Variants in SLF1 observed in about 807,000 individuals in gnomAD.
The protein encoded by SLF1 is SMC5-SMC6 complex localization factor protein 1.
In SLF1, 105 loss-of-function variants were observed where a neutral mutation model predicts 123.0. The ratio of observed to expected loss-of-function variants is 0.85; its 90% CI spans 0.73 to 1.00. SLF1 has a LOEUF of 1.00. Ranked by LOEUF, SLF1 falls within the 50% of genes least tolerant of loss-of-function variation. SLF1 has a pLI of 0.00. For synonymous variants in SLF1, 434 were observed against 406.6 expected (o/e 1.07, Z -0.81); for missense variants, 1,239 against 1,223.0 (o/e 1.01, Z -0.20).
intron 11 of SLF1, 67 bp downstream of exon 11, chr5:94,663,975 C>T: frequency 1.5e-6 from 2 of 1,368,480 alleles, no homozygotes; most frequent in Non-Finnish European, 1.9e-6. Context: ...CATTTTCTCA[C>T]TTTTTGTATG....
chr5:94,662,407 G>A (rs1462133249), intron 10 of SLF1, 56 bp downstream of exon 10: 3 of 1,393,462 alleles, frequency 2.2e-6, no homozygotes, highest in African/African-American at 1.5e-5. Flanking sequence ...TTTGTGTTTT[G>A]TTATTAGTTA....
chr5:94,664,097 T>C (rs553610363), intron 11 of SLF1, among the ~76,000 whole-genome samples, 189 bp downstream of exon 11: 15 of 152,338 alleles, frequency 9.8e-5, no homozygotes, highest in Admixed American at 9.8e-4. Flanking sequence ...CTACTCTTAG[T>C]GCTTTAGCTA....
chr5:94,673,239 G>A (rs1405662470), intron 14 of SLF1, among the ~76,000 whole-genome samples: 2 of 152,020 alleles, frequency 1.3e-5, no homozygotes, highest in African/African-American at 2.4e-5. Context: ...AGTCCTCAGG[G>A]CGAAGTCAGG....
chr5:94,658,795 C>T (rs1748729424), intron 9 of SLF1, among the ~76,000 whole-genome samples: 2 of 149,326 alleles, frequency 1.3e-5, no homozygotes, highest in African/African-American at 2.5e-5. Flanking sequence ...TTATGCCTTC[C>T]CATATGTCAT....
rs761407897 is a variant in SLF1, at chr5:94,651,698, G to A, written c.739-4G>A. The A allele has an allele frequency of 1.4e-4, 215 of 1,513,540 alleles. No homozygotes were observed. The highest frequency in any genetic ancestry group is 1.1e-4 in the Admixed American group (5 of 44,080). 93.8% of individuals were successfully genotyped at this position (1,513,540 alleles called of 1,614,324 possible). On this transcript the variant is annotated splice_polypyrimidine_tract_variant and splice_region_variant and intron_variant, in intron 6 of 20. Transcript: ENST00000265140. ...TTAACTAAATTATGTTTACAAACAC[G>A]CAGAAAGAAATGCAAAATCATGAAG...
At chr5:94,685,305 T>C (rs1752286065) in intron 15 of SLF1, among the ~76,000 whole-genome samples, 1 of 152,258 alleles carries the variant, frequency 6.6e-6, no homozygotes. Flanking sequence ...CTTATAATTT[T>C]AATTCTTCTC....
At position 94,691,648 on chromosome 5, in the gene SLF1, A is replaced by G. The variant is rs768010022; in HGVS notation, c.2504A>G (p.Asn835Ser). 12 of 1,606,444 alleles carry G rather than the reference A, an allele frequency of 7.5e-6. No individual in the cohort carries two copies. Among genetic ancestry groups the G allele is most frequent in the Admixed American group, 5.1e-5 (3 of 58,372 alleles). The change falls in exon 19 of 21, where the codon AAT becomes AGT. Residue 835 changes from asparagine (N) to serine (S), a missense_variant. By Grantham distance (46) the Asn-to-Ser change is conservative. Transcript: ENST00000265140. ...CTCTCTTTGCCAGGAATAGACATCA[A>G]TGTTAAAGGTAAGTTTTAAATCTTT... The part of the protein sequence containing the change: ...LLLSLPGIDI[N>S]VKDNAGWTPL...
intron 12 of SLF1, among the ~76,000 whole-genome samples, chr5:94,669,180 T>G (rs1458185050): frequency 6.6e-6 from 1 of 152,206 alleles, no homozygotes; most frequent in Non-Finnish European, 1.5e-5. Context: ...TTTGAAATAT[T>G]CCATAATGCA....
intron 1 of SLF1, among the ~76,000 whole-genome samples, chr5:94,620,930 T>C (rs191244938): frequency 1.4e-4 from 21 of 152,284 alleles, no homozygotes; most frequent in African/African-American, 4.1e-4. Context: ...TATGAATCAC[T>C]CTAATGATTG....
chr5:94,656,331 A>G (rs1045815001), intron 9 of SLF1, among the ~76,000 whole-genome samples: 9 of 151,820 alleles, frequency 5.9e-5, no homozygotes, highest in Admixed American at 2.0e-4. Flanking sequence ...ACAATACACT[A>G]TGATCAATAC....
intron 5 of SLF1, among the ~76,000 whole-genome samples, chr5:94,648,139 TC>T (rs1293148035): frequency 6.6e-6 from 1 of 152,124 alleles, no homozygotes; most frequent in Non-Finnish European, 1.5e-5. Context: ...GGTACTCATT[TC>T]CCCCCACCTG....
chr5:94,666,058 C>T, intron 12 of SLF1, 34 bp downstream of exon 12: 1 of 1,500,014 alleles, frequency 6.7e-7, no homozygotes, highest in South Asian at 1.3e-5. Flanking sequence ...TGCTACATTT[C>T]ATTGAGTAGT....
At chr5:94,674,001 T>G (rs895705633) in intron 14 of SLF1, among the ~76,000 whole-genome samples, 9 of 152,188 alleles carry the variant, frequency 5.9e-5, no homozygotes, top group African/African-American at 2.2e-4. Flanking sequence ...TTACAGAAAT[T>G]GAAAATACTT....
intron 9 of SLF1, among the ~76,000 whole-genome samples, chr5:94,658,275 C>G (rs1748668731): frequency 6.6e-6 from 1 of 150,962 alleles, no homozygotes. Context: ...CATCCGTTTG[C>G]TTCCAATTGT....
intron 9 of SLF1, among the ~76,000 whole-genome samples, chr5:94,655,997 T>C (rs1038407926): frequency 6.6e-6 from 1 of 152,072 alleles, no homozygotes; most frequent in Admixed American, 6.6e-5. Flanking sequence ...TGAATAAAAG[T>C]TGTAAAAGTA....
intron 1 of SLF1, among the ~76,000 whole-genome samples, chr5:94,627,956 A>C (rs1245077837): frequency 6.6e-6 from 1 of 151,390 alleles, no homozygotes; most frequent in Non-Finnish European, 1.5e-5. Context: ...CAGCCTCCCG[A>C]GTAGCTGGGA....
intron 4 of SLF1, among the ~76,000 whole-genome samples, chr5:94,641,571 G>A (rs962494640): frequency 1.3e-5 from 2 of 152,118 alleles, no homozygotes; most frequent in South Asian, 4.1e-4. Flanking sequence ...TGCTTATTAT[G>A]GGGACTGGAC....
At chr5:94,653,164 T>C (rs967915996) in intron 7 of SLF1, 108 bp from the exon 8 acceptor site, 22 of 1,159,612 alleles carry the variant, frequency 1.9e-5, no homozygotes, top group Non-Finnish European at 2.5e-5. Flanking sequence ...GCCGTACTTC[T>C]TTATTTTTTA....
chr5:94,663,640 G>A (rs940436151), intron 10 of SLF1, 110 bp from the exon 11 acceptor site: 20 of 1,011,226 alleles, frequency 2.0e-5, no homozygotes, highest in African/African-American at 6.6e-5. Context: ...GTGAGACTCC[G>A]TCTCAAATGA....
Sources: gnomAD v4.1 joint callset for allele counts (sites outside exome capture counted in the v4.1 genomes callset) on GRCh38, gnomAD v4.1.1 for gene constraint, MANE v1.5 for transcripts, NCBI Gene and HGNC (gene_info 2026-07-23, HGNC 2026-07-21) for gene names.